The following VCAN variants were observed in gnomAD, a reference collection of about 807,000 sequenced individuals.
The protein encoded by VCAN is versican, also known as versican core protein.
VCAN carries 44 observed loss-of-function variants against 245.5 expected under a neutral mutation model. That is an observed-to-expected ratio of 0.18 (90% CI 0.14 to 0.23). The LOEUF (loss-of-function observed/expected upper bound fraction) is 0.23. VCAN is among the 10% of genes least tolerant of loss of function. The pLI is 1.00. For missense variants in VCAN, 3,793 were observed against 4,057.9 expected (o/e 0.93, Z 1.77); for synonymous variants, 1,413 against 1,437.0 (o/e 0.98, Z 0.38).
chr5:83,516,383 TTAATA>T (rs1745858982), intron 6 of VCAN, among the ~76,000 whole-genome samples: 1 of 152,252 alleles, frequency 6.6e-6, no homozygotes, highest in Admixed American at 6.5e-5. Context: ...TATAACAAAT[TTAATA>T]TAGAAGAACC....
chr5:83,513,610 G>T (rs1580620785), intron 6 of VCAN, among the ~76,000 whole-genome samples: 1 of 152,162 alleles, frequency 6.6e-6, no homozygotes, highest in South Asian at 2.1e-4. Flanking sequence ...CCACAAGCTG[G>T]TCGCTCCATA....
At chr5:83,543,312 T>G (rs975560162) in intron 8 of VCAN, among the ~76,000 whole-genome samples, 2 of 152,198 alleles carry the variant, frequency 1.3e-5, no homozygotes, top group African/African-American at 4.8e-5. Context: ...CAAATAGACA[T>G]CACCACCTAG....
chr5:83,519,703 T>C lies in VCAN; in HGVS notation c.1397T>C (p.Val466Ala), dbSNP rs1746001771. 2 of 1,614,122 alleles carry C rather than the reference T, an allele frequency of 1.2e-6. No individual in the cohort carries two copies. Among genetic ancestry groups the C allele is most frequent in the Non-Finnish European group, 1.7e-6 (2 of 1,179,990 alleles). Residue 466 changes from valine (V) to alanine (A), a missense_variant, in exon 7 of 15, where the codon GTC becomes GCC. Transcript: ENST00000265077. ...KEEVLQSTTG[V>A]SHYATDSWDG... is the part of the protein sequence containing the mutation. ...GAAGTGCTCCAGAGTACAACTGGCG[T>C]CTCTCATTATGCTACGGATTCATGG...
At chr5:83,542,844 A>G (rs1237400746) in intron 8 of VCAN, among the ~76,000 whole-genome samples, 3 of 152,238 alleles carry the variant, frequency 2.0e-5, no homozygotes, top group African/African-American at 7.2e-5. Flanking sequence ...AGTAGTGAGT[A>G]GTCATTTATT....
At chr5:83,480,741 A>G (rs922157134) in intron 1 of VCAN, among the ~76,000 whole-genome samples, 33 of 152,352 alleles carry the variant, frequency 2.2e-4, no homozygotes, top group Non-Finnish European at 4.7e-4. Context: ...AATAAATTAT[A>G]GGATGATTTA....
chr5:83,536,941 C>A, intron 7 of VCAN, 66 bp from the exon 8 acceptor site: 1 of 1,403,866 alleles, frequency 7.1e-7, no homozygotes, highest in Non-Finnish European at 9.6e-7. Context: ...GCCTTGCTAT[C>A]AATTTCTTCT....
At position 83,518,861 on chromosome 5, in the gene VCAN, C is replaced by T. The variant is rs549643132; in HGVS notation, c.1043-488C>T. Among the ~76,000 whole-genome samples, 6 of 152,214 alleles carry T rather than the reference C, an allele frequency of 3.9e-5. No homozygotes were observed. The South Asian group carries it at 1.0e-3, about 26-fold the overall frequency. ...TTTGCAATCTGAGACACACCCTCTC[C>T]CCTGAGATAATATGCAGCAACTTGA... On this transcript the variant is annotated intron_variant, in intron 6 of 14. Coordinates refer to ENST00000265077, the MANE Select transcript of VCAN (RefSeq NM_004385.5).
At chr5:83,573,452 C>T (rs534450292) in intron 13 of VCAN, among the ~76,000 whole-genome samples, 14 of 151,926 alleles carry the variant, frequency 9.2e-5, no homozygotes, top group African/African-American at 2.9e-4. Flanking sequence ...TATGTGAGTC[C>T]GTGTCCCAAT....
intron 5 of VCAN, among the ~76,000 whole-genome samples, chr5:83,498,825 GTT>G: frequency 6.6e-6 from 1 of 152,158 alleles, no homozygotes; most frequent in Non-Finnish European, 1.5e-5. Context: ...CAGGGGATCT[GTT>G]TTACTACCAT....
intron 13 of VCAN, among the ~76,000 whole-genome samples, chr5:83,579,180 A>G (rs982212065): frequency 1.3e-5 from 2 of 152,208 alleles, no homozygotes; most frequent in Non-Finnish European, 2.9e-5. Flanking sequence ...ATTTGTATTT[A>G]GGAGACTTTG....
At chr5:83,498,577 A>G (rs537218879) in intron 5 of VCAN, among the ~76,000 whole-genome samples, 68 of 152,166 alleles carry the variant, frequency 4.5e-4, no homozygotes, top group African/African-American at 1.6e-3. Context: ...GTTTAATTTC[A>G]TTTTTGTTCT....
At chr5:83,533,003 A>C (rs2112432041) in intron 7 of VCAN, among the ~76,000 whole-genome samples, 1 of 152,244 alleles carries the variant, frequency 6.6e-6, no homozygotes, top group South Asian at 2.1e-4. Flanking sequence ...TATATATGTT[A>C]ATCTGCTTCC....
At chr5:83,512,082 T>G (rs1440571422) in intron 5 of VCAN, 21 bp from the exon 6 acceptor site, 2 of 1,613,628 alleles carry the variant, frequency 1.2e-6, no homozygotes, top group Non-Finnish European at 1.7e-6. Context: ...TTGGGCTTTT[T>G]TTCCCTTCTT....
chr5:83,543,628 C>T lies in VCAN; in HGVS notation c.9265+1360C>T, dbSNP rs139127298. Among the ~76,000 whole-genome samples the T allele has an allele frequency of 2.4e-3, 368 of 151,962 alleles. 5 individuals are homozygous for T. The highest frequency in any genetic ancestry group is 8.1e-3 in the African/African-American group (335 of 41,406). ...TGTAAATGATAATCTAGTAATTTGG[C>T]TAATATTTATTGTTTTTTAATTTAG... On this transcript the variant is annotated intron_variant, in intron 8 of 14. Coordinates refer to ENST00000265077, the MANE Select transcript of VCAN (RefSeq NM_004385.5).
chr5:83,579,176 A>G (rs1748575448), intron 13 of VCAN, among the ~76,000 whole-genome samples: 1 of 152,172 alleles, frequency 6.6e-6, no homozygotes, highest in Non-Finnish European at 1.5e-5. Flanking sequence ...AGATATTTGT[A>G]TTTAGGAGAC....
chr5:83,541,230 CAATTTG>C lies in VCAN; in HGVS notation c.8230_8235del (p.Phe2744_Glu2745del). Reference sequence around the variant, plus strand: ...AAGTGAAATAATACCAACATTGGGCCAATTTGAAAGGACTCAGGAGGAGTATGAAGA... The same window carrying C: ...AAGTGAAATAATACCAACATTGGGCCAAAGGACTCAGGAGGAGTATGAAGA... On this transcript the variant is annotated inframe_deletion, in exon 8 of 15. Coordinates refer to ENST00000265077, the MANE Select transcript of VCAN (RefSeq NM_004385.5). 1 of 1,613,808 alleles carries C rather than the reference CAATTTG, an allele frequency of 6.2e-7. No individual in the cohort carries two copies. Among genetic ancestry groups the C allele is most frequent in the Non-Finnish European group, 8.5e-7 (1 of 1,179,982 alleles).
In VCAN at chr5:83,540,925, A is replaced by T. The variant is rs1746951973; in HGVS notation, c.7922A>T (p.Asp2641Val). 1 of 1,613,884 alleles carries T rather than the reference A, an allele frequency of 6.2e-7. No individual in the cohort carries two copies. Among genetic ancestry groups the T allele is most frequent in the African/African-American group, 1.3e-5 (1 of 74,910 alleles). Reference sequence around the variant, plus strand: ...GAGGAAACATTTGAGGGCTCTGCTGATGTTCTGGCTAGCTACACTCAGGCA... The same window carrying T: ...GAGGAAACATTTGAGGGCTCTGCTGTTGTTCTGGCTAGCTACACTCAGGCA... The part of the protein sequence containing the change: ...LTEETFEGSA[D>V]VLASYTQATH... The change falls in exon 8 of 15, where the codon GAT (aspartate) becomes GTT (valine). Residue 2641 changes from aspartate (D) to valine (V), a missense_variant. Asp to Val is a radical substitution (Grantham distance 152). Transcript: ENST00000265077.
At chr5:83,487,562 TTC>T (rs1744836513) in intron 2 of VCAN, among the ~76,000 whole-genome samples, 1 of 152,200 alleles carries the variant, frequency 6.6e-6, no homozygotes, top group African/African-American at 2.4e-5. Flanking sequence ...TTTAGTGAAT[TTC>T]GTTTTTGTGA....
At chr5:83,570,794 G>A (rs192630225) in intron 12 of VCAN, among the ~76,000 whole-genome samples, 1 of 148,254 alleles carries the variant, frequency 6.7e-6, no homozygotes, top group Admixed American at 6.8e-5. Flanking sequence ...ACTGTTGGGA[G>A]TAAGTAGGTA....
Sources: allele counts gnomAD v4.1 joint callset (sites outside exome capture counted in the v4.1 genomes callset), GRCh38; gene constraint gnomAD v4.1.1; transcripts MANE v1.5; gene names NCBI Gene and HGNC (gene_info 2026-07-23, HGNC 2026-07-21).